Variants in HINFP observed in about 807,000 individuals in gnomAD.
HINFP encodes the protein MBD2 (methyl-CpG-binding protein)-interacting zinc finger protein.
In HINFP, 20 loss-of-function variants were observed where a neutral mutation model predicts 50.1. The ratio of observed to expected loss-of-function variants is 0.40; its 90% CI spans 0.28 to 0.58. The LOEUF (loss-of-function observed/expected upper bound fraction) is 0.58, where lower values mean the gene tolerates loss of function less well. Ranked by LOEUF, HINFP falls within the 20% of genes least tolerant of loss-of-function variation. The pLI is 0.45. For missense variants in HINFP, 505 were observed against 664.1 expected (o/e 0.76, Z 2.63); for synonymous variants, 247 against 243.7 (o/e 1.01, Z -0.13).
chr11:119,128,465 C>T (rs986251652), intron 2 of HINFP, among the ~76,000 whole-genome samples: 20 of 151,222 alleles, frequency 1.3e-4, no homozygotes, highest in Admixed American at 6.6e-4. Context: ...GCCACTACGC[C>T]CGTCTAATTT....
chr11:119,132,052 GT>G, intron 5 of HINFP, 70 bp downstream of exon 5: 1 of 1,570,054 alleles, frequency 6.4e-7, no homozygotes, highest in Non-Finnish European at 8.7e-7. Flanking sequence ...CATGTTTCTA[GT>G]GGGGGTGGCC....
chr11:119,124,250 A>T (rs1218015081), intron 1 of HINFP: 2 of 152,194 alleles, frequency 1.3e-5, no homozygotes, highest in Non-Finnish European at 2.9e-5. Flanking sequence ...CAGTAGGTAT[A>T]GTGGGTTCAG....
intron 5 of HINFP, 45 bp from the exon 6 acceptor site, chr11:119,132,451 C>T: frequency 6.3e-7 from 1 of 1,598,610 alleles, no homozygotes; most frequent in South Asian, 1.1e-5. Context: ...TGTGCCTCTC[C>T]ACTATCACCT....
At position 119,135,513 on chromosome 11, in the gene HINFP, A is replaced by G. The variant is rs1230984387; in HGVS notation, c.*1015A>G. On this transcript the variant is annotated 3_prime_UTR_variant, in exon 10 of 10. Coordinates refer to ENST00000350777, the MANE Select transcript of HINFP (RefSeq NM_198971.3). Reference sequence around the variant, plus strand: ...TAGAAAATTGTGTGTCTGAATGTGCATTTTCCTGGGGAAAGGATCTGTTTT... The same window carrying G: ...TAGAAAATTGTGTGTCTGAATGTGCGTTTTCCTGGGGAAAGGATCTGTTTT... 2 of 152,060 alleles carry G rather than the reference A, an allele frequency of 1.3e-5. No homozygotes were observed. The highest frequency in any genetic ancestry group is 1.3e-4 in the Admixed American group (2 of 15,248). 9.4% of individuals were successfully genotyped at this position (152,060 alleles called of 1,614,324 possible).
At chr11:119,129,834 C>T (rs1947654211) in intron 2 of HINFP, 1 of 150,972 alleles carries the variant, frequency 6.6e-6, no homozygotes, top group Admixed American at 6.6e-5. Flanking sequence ...GTCTGAAAAA[C>T]TCTATTCTAC....
intron 1 of HINFP, chr11:119,126,168 C>A (rs1204185168): frequency 1.3e-5 from 2 of 152,142 alleles, no homozygotes; most frequent in African/African-American, 2.4e-5. Flanking sequence ...GCCTGACCAA[C>A]ATGGGGAAGA....
At chr11:119,125,587 G>A (rs764918771) in intron 1 of HINFP, 1 of 152,188 alleles carries the variant, frequency 6.6e-6, no homozygotes, top group Non-Finnish European at 1.5e-5. Flanking sequence ...TGAGGTAGGA[G>A]GATCTCCTGA....
chr11:119,131,160 C>T lies in HINFP; in HGVS notation c.411+206C>T. ...CTAGAGTGCAGTGGTACAATCATAG[C>T]TCACTGTAACCTTGAACTCCTGGGC... On this transcript the variant is annotated intron_variant, in intron 3 of 9. Transcript: ENST00000350777. The surrounding 1 kb of genome is among the most constrained non-coding windows in gnomAD (Gnocchi z 4.2). 1 of 685,080 alleles carries T rather than the reference C, an allele frequency of 1.5e-6. No individual in the cohort carries two copies. Among genetic ancestry groups the T allele is most frequent in the Non-Finnish European group, 2.7e-6 (1 of 376,064 alleles). The allele number at this position is 685,080 out of a possible 1,614,324, so 42.4% of individuals were successfully genotyped here. A position where few individuals can be genotyped will look rare whatever the true frequency, so the allele number is the denominator to read the frequency against.
At position 119,130,790 on chromosome 11, in the gene HINFP, A is replaced by C; in HGVS notation, c.247A>C (p.Ile83Leu). The change falls in exon 3 of 10, where the codon ATC becomes CTC. Residue 83 changes from isoleucine (I) to leucine (L), a missense_variant. By Grantham distance (5) the Ile-to-Leu change is conservative. Coordinates refer to ENST00000350777, the MANE Select transcript of HINFP (RefSeq NM_198971.3). ...TTCTCTGGACAGTTCTGCTGACCTC[A>C]TCCGCCATGTCTACTTCCACTGCTA... ...FCSLDSSADL[I>L]RHVYFHCYHT... The C allele has an allele frequency of 6.2e-7, 1 of 1,614,180 alleles. No homozygotes were observed. The highest frequency in any genetic ancestry group is 8.5e-7 in the Non-Finnish European group (1 of 1,180,022).
At chr11:119,129,028 A>G (rs1231644778) in intron 2 of HINFP, among the ~76,000 whole-genome samples, 1 of 151,994 alleles carries the variant, frequency 6.6e-6, no homozygotes, top group East Asian at 1.9e-4. Context: ...GATTTAAAAG[A>G]AAAAGGAAAA....
At chr11:119,122,756 G>T (rs1237636940) in intron 1 of HINFP, among the ~76,000 whole-genome samples, 2 of 152,158 alleles carry the variant, frequency 1.3e-5, no homozygotes, top group African/African-American at 4.8e-5. Flanking sequence ...GATGGGATAT[G>T]CCAGCTGTAC....
chr11:119,131,849 G>A lies in HINFP; in HGVS notation c.543G>A (p.Lys181=), dbSNP rs201915265. ...CGWKGCTCTF[K]DRSKLREHLR... is the part of the protein sequence containing the mutation. ...TCCCAGGCTGTACCTGCACCTTCAA[G>A]GACCGCAGTAAACTTCGAGAGCACC... The change falls in exon 5 of 10, where the codon AAG becomes AAA. Residue 181 remains lysine, a synonymous_variant. Coordinates refer to ENST00000350777, the MANE Select transcript of HINFP (RefSeq NM_198971.3). This position sits in a 1 kb window ranked among gnomAD's most constrained non-coding sequence, Gnocchi z 4.2. 6.2e-7 allele frequency: 1 copy of A among 1,614,172 alleles called. No homozygotes were observed. The highest frequency in any genetic ancestry group is 2.2e-5 in the East Asian group (1 of 44,886).
rs867405782 is a variant in HINFP, at chr11:119,131,390, C to T, written c.412-145C>T. 6.0e-6 allele frequency: 4 copies of T among 668,940 alleles called. No individual in the cohort carries two copies. Among genetic ancestry groups the T allele is most frequent in the African/African-American group, 3.5e-5 (2 of 56,364 alleles). 41.4% of individuals were successfully genotyped at this position (668,940 alleles called of 1,614,324 possible). A position where few individuals can be genotyped will look rare whatever the true frequency, so the allele number is the denominator to read the frequency against. On this transcript the variant is annotated intron_variant, in intron 3 of 9. Coordinates refer to ENST00000350777, the MANE Select transcript of HINFP (RefSeq NM_198971.3). The surrounding 1 kb of genome is among the most constrained non-coding windows in gnomAD (Gnocchi z 4.2). ...AGGGTTTAGCAACCGCACCCGGCCA[C>T]TCCTCCATTTCTGTGCAGTGCCTTT...
chr11:119,132,699 C>A lies in HINFP; in HGVS notation c.793C>A (p.Pro265Thr), dbSNP rs1409233457. ...YKCPLCDMTC[P>T]LPSSLRNHMR... ...GTGCCCTCTGTGTGACATGACCTGCCCGCTGCCTTCCTCCCTCCGCAACCA... is the reference window on the plus strand; with the variant it reads ...GTGCCCTCTGTGTGACATGACCTGCACGCTGCCTTCCTCCCTCCGCAACCA... The change falls in exon 7 of 10, where the codon CCG (proline) becomes ACG (threonine). Residue 265 changes from proline (P) to threonine (T), a missense_variant. By Grantham distance (38) the Pro-to-Thr change is conservative. Transcript: ENST00000350777. The A allele has an allele frequency of 6.2e-7, 1 of 1,613,902 alleles. No homozygotes were observed. Among genetic ancestry groups the A allele is most frequent in the South Asian group, 1.1e-5 (1 of 91,090 alleles).
rs1391582883 is a variant in HINFP at position 119,123,706 on chromosome 11, G to GATTTTTTTTTTTTTTTTTTTTT, written c.-11+2067_-11+2068insATTTTTTTTTTTTTTTTTTTTT. The GATTTTTTTTTTTTTTTTTTTTT allele has an allele frequency of 4.0e-5, 3 of 74,162 alleles. 1 individual carries two copies. The highest frequency in any genetic ancestry group is 1.1e-4 in the African/African-American group (2 of 18,760). The allele number at this position is 74,162 out of a possible 1,614,324, so 4.6% of individuals were successfully genotyped here. A position where few individuals can be genotyped will look rare whatever the true frequency, so the allele number is the denominator to read the frequency against. ...GCAGGTGCATGCTACCACATCGGCT[G>GATTTTTTTTTTTTTTTTTTTTT]TTTTTTTTTTTTTTTTTTTTTTTTT... On this transcript the variant is annotated intron_variant, in intron 1 of 9. Coordinates refer to ENST00000350777, the MANE Select transcript of HINFP (RefSeq NM_198971.3).
In HINFP at chr11:119,133,148, G is replaced by T; in HGVS notation, c.1068G>T (p.Arg356=). The T allele has an allele frequency of 6.2e-7, 1 of 1,614,222 alleles. No homozygotes were observed. The highest frequency in any genetic ancestry group is 8.5e-7 in the Non-Finnish European group (1 of 1,180,044). The part of the protein sequence containing the change: ...KCHVCDKCFT[R]GNNLTVHLRK... ...ATGTGTGTGACAAATGCTTCACACG[G>T]GGCAACAACCTCACCGTGCACCTTC... Residue 356 remains arginine, a synonymous_variant, in exon 9 of 10, where the codon CGG becomes CGT. Transcript: ENST00000350777.
At position 119,132,007 on chromosome 11, in the gene HINFP, G is replaced by A. The variant is rs761594535; in HGVS notation, c.676+25G>A. On this transcript the variant is annotated intron_variant, in intron 5 of 9. Transcript: ENST00000350777. ...CGTAAGTAGTCAGAGGAAGTGGGGT[G>A]GATGCAGGCTGTCCTGCTTGGAATG... 23 of 1,613,050 alleles carry A rather than the reference G, an allele frequency of 1.4e-5. No individual in the cohort carries two copies. In the Admixed American group the frequency reaches 3.8e-4, roughly 27 times the overall value.
intron 2 of HINFP, among the ~76,000 whole-genome samples, chr11:119,129,043 A>AT (rs1296257024): frequency 1.3e-5 from 2 of 151,936 alleles, no homozygotes; most frequent in African/African-American, 2.4e-5. Context: ...GGAAAAAAAA[A>AT]ACTTTTTTTC....
intron 1 of HINFP, chr11:119,126,435 G>A (rs1472602343): frequency 6.6e-6 from 1 of 151,842 alleles, no homozygotes; most frequent in East Asian, 1.9e-4. Context: ...AATGCTTACT[G>A]TGGTGCTTGA....
Sources: gnomAD v4.1 joint callset for allele counts (sites outside exome capture counted in the v4.1 genomes callset) on GRCh38, gnomAD v4.1.1 for gene constraint, Gnocchi (gnomAD v3.1) non-coding constraint, MANE v1.5 for transcripts, NCBI Gene and HGNC (gene_info 2026-07-23, HGNC 2026-07-21) for gene names.